EIF2AK3: variants seen among roughly 807,000 people sequenced by gnomAD.
EIF2AK3 encodes eukaryotic translation initiation factor 2-alpha kinase 3.
Under a neutral mutation model 113.5 loss-of-function variants are expected in EIF2AK3, and 50 were observed. The observed-to-expected ratio is 0.44, with a 90% CI of 0.35 to 0.56. EIF2AK3 has a LOEUF of 0.56. Among genes scored for constraint, EIF2AK3 ranks in the 20% least tolerant of loss-of-function variants. EIF2AK3 has a pLI of 0.00. For missense variants in EIF2AK3, 1,185 were observed against 1,378.0 expected (o/e 0.86, Z 2.22); for synonymous variants, 448 against 495.4 (o/e 0.90, Z 1.27).
chr2:88,608,247 T>C (rs927316885), intron 2 of EIF2AK3, among the ~76,000 whole-genome samples: 5 of 152,200 alleles, frequency 3.3e-5, no homozygotes, highest in African/African-American at 9.6e-5. Context: ...TGTTTCCTCG[T>C]CATAAGACAG....
intron 13 of EIF2AK3, among the ~76,000 whole-genome samples, chr2:88,573,387 C>A (rs1674369092): frequency 6.6e-6 from 1 of 152,104 alleles, no homozygotes; most frequent in Non-Finnish European, 1.5e-5. Flanking sequence ...TTCAAGTTGG[C>A]ATTTGTGTGT....
chr2:88,581,187 T>C (rs1460430226), intron 10 of EIF2AK3, among the ~76,000 whole-genome samples: 2 of 150,154 alleles, frequency 1.3e-5, no homozygotes, highest in Non-Finnish European at 3.0e-5. Context: ...TAAAAAACAT[T>C]AGGTATTATT....
intron 7 of EIF2AK3, 60 bp from the exon 8 acceptor site, chr2:88,588,164 T>G (rs1297346258): frequency 8.3e-7 from 1 of 1,199,262 alleles, no homozygotes; most frequent in African/African-American, 1.6e-5. Context: ...CTGTTATGAC[T>G]TGAATAAAAA....
At chr2:88,587,016 C>A (rs1674751565) in intron 8 of EIF2AK3, among the ~76,000 whole-genome samples, 1 of 149,928 alleles carries the variant, frequency 6.7e-6, no homozygotes, top group Non-Finnish European at 1.5e-5. Context: ...AACAGCCTGG[C>A]CAATATGGTG....
chr2:88,569,110 C>T (rs905396789), intron 14 of EIF2AK3, among the ~76,000 whole-genome samples: 2 of 152,094 alleles, frequency 1.3e-5, no homozygotes, highest in Non-Finnish European at 2.9e-5. Flanking sequence ...ATGCTGGTCT[C>T]GAACTCCTGG....
At chr2:88,579,471 G>C in intron 11 of EIF2AK3, 47 bp downstream of exon 11, 1 of 1,609,620 alleles carries the variant, frequency 6.2e-7, no homozygotes, top group Non-Finnish European at 8.5e-7. Flanking sequence ...CATGAGATTA[G>C]ATCACACTGT....
Position 88,577,547 on chromosome 2 carries a change from C to A in EIF2AK3, c.1887-844G>T, listed in dbSNP as rs577220814. Among the ~76,000 whole-genome samples the A allele has an allele frequency of 3.0e-4, 46 of 151,332 alleles. 2 individuals are homozygous for A. The South Asian group carries it at 7.8e-3, about 25-fold the overall frequency. On this transcript the variant is annotated intron_variant, in intron 11 of 16. Transcript: ENST00000303236. ...TGCGATCTCAGCTCACTGTAACCTC[C>A]AACTGCCTTTTAGTAGAGATGAGAT...
intron 9 of EIF2AK3, among the ~76,000 whole-genome samples, chr2:88,584,873 G>A (rs1269484803): frequency 5.9e-5 from 9 of 152,130 alleles, no homozygotes; most frequent in Admixed American, 3.3e-4. Context: ...GGCTGAGCAC[G>A]GTGGAGGGGA....
At chr2:88,611,125 C>T (rs1675444537) in intron 2 of EIF2AK3, among the ~76,000 whole-genome samples, 1 of 152,136 alleles carries the variant, frequency 6.6e-6, no homozygotes, top group Non-Finnish European at 1.5e-5. Flanking sequence ...AGAGCCTGAG[C>T]TTGTAAAGAA....
At chr2:88,617,016 T>C (rs1056690949) in intron 1 of EIF2AK3, among the ~76,000 whole-genome samples, 1 of 152,236 alleles carries the variant, frequency 6.6e-6, no homozygotes, top group East Asian at 1.9e-4. Context: ...TCTGCTGTGG[T>C]TGGAATTAAG....
At position 88,558,109 on chromosome 2, in the gene EIF2AK3, C is replaced by T. The variant is rs117769655; in HGVS notation, c.3151-173G>A. ...CTCTGCCGTCAATGCACAAAAGCATCCAGAGACAATTTGTAAATTAATGGG... is the reference window on the plus strand; with the variant it reads ...CTCTGCCGTCAATGCACAAAAGCATTCAGAGACAATTTGTAAATTAATGGG... On this transcript the variant is annotated intron_variant, in intron 16 of 16. Transcript: ENST00000303236. 6.6e-5 allele frequency among the ~76,000 whole-genome samples: 10 copies of T among 152,222 alleles called. No individual in the cohort carries two copies. In the East Asian group the frequency reaches 1.7e-3, roughly 26 times the overall value.
chr2:88,577,558 T>C (rs986659530), intron 11 of EIF2AK3, among the ~76,000 whole-genome samples: 4 of 151,762 alleles, frequency 2.6e-5, no homozygotes, highest in Non-Finnish European at 5.9e-5. Flanking sequence ...AACTGCCTTT[T>C]AGTAGAGATG....
At position 88,626,996 on chromosome 2, in the gene EIF2AK3, G is replaced by T. The variant is rs372535313; in HGVS notation, c.279C>A (p.Asp93Glu). The change falls in exon 1 of 17, where the codon GAC becomes GAA. Residue 93 changes from aspartate (D) to glutamate (E), a missense_variant. Asp to Glu is a conservative substitution (Grantham distance 45, BLOSUM62 2). Coordinates refer to ENST00000303236, the MANE Select transcript of EIF2AK3 (RefSeq NM_004836.7). ...CGCGCGGTCGCAACTCTGTCTCATCGTCTGGTTCCGGACCCCGAGGCTCCT... is the reference window on the plus strand; with the variant it reads ...CGCGCGGTCGCAACTCTGTCTCATCTTCTGGTTCCGGACCCCGAGGCTCCT... ...GEQEPRGPEP[D>E]DETELRPRGR... 1.9e-6 allele frequency: 3 copies of T among 1,609,124 alleles called. No individual in the cohort carries two copies. The highest frequency in any genetic ancestry group is 2.5e-6 in the Non-Finnish European group (3 of 1,178,932).
intron 10 of EIF2AK3, among the ~76,000 whole-genome samples, chr2:88,580,898 A>G (rs1558650819): frequency 6.6e-6 from 1 of 152,182 alleles, no homozygotes; most frequent in Admixed American, 6.5e-5. Context: ...CAGTCAAGGT[A>G]CCTCAGTACA....
At chr2:88,596,531 T>C (rs1428034240) in intron 2 of EIF2AK3, among the ~76,000 whole-genome samples, 1 of 151,882 alleles carries the variant, frequency 6.6e-6, no homozygotes, top group Non-Finnish European at 1.5e-5. Context: ...GGAGAGGGGA[T>C]TATCAATAAA....
chr2:88,576,842 A>C, intron 11 of EIF2AK3, 139 bp from the exon 12 acceptor site: 1 of 939,370 alleles, frequency 1.1e-6, no homozygotes, highest in Non-Finnish European at 1.6e-6. Context: ...AAATAAAATT[A>C]GCCTGAAAAA....
chr2:88,592,758 G>A (rs1371431949), intron 4 of EIF2AK3, among the ~76,000 whole-genome samples: 2 of 140,054 alleles, frequency 1.4e-5, no homozygotes, highest in African/African-American at 2.6e-5. Context: ...AGTGAAACTC[G>A]GTCTCAAAAA....
intron 1 of EIF2AK3, among the ~76,000 whole-genome samples, chr2:88,616,865 T>C (rs1441415177): frequency 6.6e-6 from 1 of 152,214 alleles, no homozygotes; most frequent in Non-Finnish European, 1.5e-5. Flanking sequence ...ACTTTATCTC[T>C]TCTATATCAC....
intron 14 of EIF2AK3, among the ~76,000 whole-genome samples, chr2:88,565,236 A>G (rs1239594118): frequency 2.0e-5 from 3 of 151,840 alleles, no homozygotes. Flanking sequence ...GGGTTTCACC[A>G]TGATGGCCAG....
Sources: allele counts gnomAD v4.1 joint callset (sites outside exome capture counted in the v4.1 genomes callset), GRCh38; gene constraint gnomAD v4.1.1; transcripts MANE v1.5; gene names NCBI Gene and HGNC (gene_info 2026-07-23, HGNC 2026-07-21).